LRRC4C: variants seen among roughly 807,000 people sequenced by gnomAD.
The protein encoded by LRRC4C is leucine-rich repeat-containing protein 4C.
LRRC4C carries 5 observed loss-of-function variants against 33.6 expected under a neutral mutation model. That is an observed-to-expected ratio of 0.15 (90% CI 0.08 to 0.31). LRRC4C has a LOEUF of 0.31. LRRC4C is among the 10% of genes least tolerant of loss of function. The pLI is 1.00. For missense variants in LRRC4C, 560 were observed against 796.7 expected (o/e 0.70, Z 3.58); for synonymous variants, 329 against 302.0 (o/e 1.09, Z -0.93).
At chr11:40,735,535 C>A (rs1021971617) in intron 2 of LRRC4C, among the ~76,000 whole-genome samples, 2 of 146,978 alleles carry the variant, frequency 1.4e-5, no homozygotes, top group African/African-American at 5.0e-5. Flanking sequence ...ATATGTGCCA[C>A]ATTTTCTTAA....
intron 3 of LRRC4C, among the ~76,000 whole-genome samples, chr11:40,590,785 T>C (rs978758802): frequency 3.3e-5 from 5 of 152,244 alleles, no homozygotes; most frequent in Non-Finnish European, 4.4e-5. Context: ...CCAGTTAGGC[T>C]GCTCGGGGGT....
intron 4 of LRRC4C, among the ~76,000 whole-genome samples, chr11:40,311,669 G>C (rs1025283370): frequency 1.3e-5 from 2 of 152,052 alleles, no homozygotes. Flanking sequence ...TTTTCTGACC[G>C]GGCACGGTGG....
chr11:41,199,900 A>G (rs1195602692), intron 1 of LRRC4C, among the ~76,000 whole-genome samples: 1 of 152,136 alleles, frequency 6.6e-6, no homozygotes, highest in Non-Finnish European at 1.5e-5. Context: ...GATAAAATAT[A>G]TACATTCCTT....
At chr11:40,938,017 G>C (rs115159445) in intron 1 of LRRC4C, among the ~76,000 whole-genome samples, 6,251 of 152,158 alleles carry the variant, frequency 0.041, 167 homozygotes, top group African/African-American at 0.065. Context: ...AGTAATAGCA[G>C]TAATTCTCTC....
chr11:41,305,509 CTG>C lies in LRRC4C; in HGVS notation c.-496+153920_-496+153921del, dbSNP rs1950471162. ...TTGAGAAATCGGATGGTTGCCGTGT[CTG>C]TGTAGAAAGAAGTAGACATGGGAGA... On this transcript the variant is annotated intron_variant, in intron 1 of 6. Coordinates refer to ENST00000528697, the MANE Select transcript of LRRC4C (RefSeq NM_001258419.2). Among the ~76,000 whole-genome samples, 2 of 48,804 alleles carry C rather than the reference CTG, an allele frequency of 4.1e-5. 1 individual carries two copies. The allele number at this position is 48,804 out of a possible 152,430, so 32.0% of individuals were successfully genotyped here. A position where few individuals can be genotyped will look rare whatever the true frequency, so the allele number is the denominator to read the frequency against.
At chr11:40,890,144 A>C (rs2136100769) in intron 2 of LRRC4C, among the ~76,000 whole-genome samples, 1 of 152,324 alleles carries the variant, frequency 6.6e-6, no homozygotes. Flanking sequence ...ATAATGAGAT[A>C]AGAAAAGGAA....
At chr11:40,252,872 TATC>T (rs1198147774) in intron 4 of LRRC4C, among the ~76,000 whole-genome samples, 4 of 152,212 alleles carry the variant, frequency 2.6e-5, no homozygotes, top group Admixed American at 2.0e-4. Flanking sequence ...CTGCACAAAA[TATC>T]ATCAATACTT....
At position 40,851,865 on chromosome 11, in the gene LRRC4C, G is replaced by A. The variant is rs768152565; in HGVS notation, c.-407+81770C>T. 9.2e-5 allele frequency among the ~76,000 whole-genome samples: 14 copies of A among 152,144 alleles called. 1 individual carries two copies. The highest frequency in any genetic ancestry group is 5.9e-4 in the Admixed American group (9 of 15,270). On this transcript the variant is annotated intron_variant, in intron 2 of 6. Transcript: ENST00000528697. ...GTCTTTAGGACCCTGGCGATCCCACGTTGACAGCCACACTTGCCCTTCTCC... is the reference window on the plus strand; with the variant it reads ...GTCTTTAGGACCCTGGCGATCCCACATTGACAGCCACACTTGCCCTTCTCC...
intron 3 of LRRC4C, among the ~76,000 whole-genome samples, chr11:40,545,954 C>A (rs1252579870): frequency 6.6e-6 from 1 of 151,992 alleles, no homozygotes; most frequent in Non-Finnish European, 1.5e-5. Context: ...GTTAATACAC[C>A]TAGCGTGTTC....
chr11:40,830,980 T>G (rs1952387351), intron 2 of LRRC4C, among the ~76,000 whole-genome samples: 1 of 152,122 alleles, frequency 6.6e-6, no homozygotes, highest in Admixed American at 6.6e-5. Context: ...GAATCAGTAA[T>G]TCCACACAAA....
intron 2 of LRRC4C, among the ~76,000 whole-genome samples, chr11:40,653,635 C>A (rs1942935864): frequency 6.6e-6 from 1 of 152,088 alleles, no homozygotes; most frequent in Admixed American, 6.5e-5. Flanking sequence ...AAAAAGAAAG[C>A]AGAACATAAA....
chr11:40,446,859 A>G (rs191379361), intron 3 of LRRC4C: 6 of 152,294 alleles, frequency 3.9e-5, no homozygotes, highest in Non-Finnish European at 7.3e-5. Flanking sequence ...CCATGATTCA[A>G]TTACCTCCAA....
At chr11:40,253,331 T>G (rs1010401201) in intron 4 of LRRC4C, among the ~76,000 whole-genome samples, 1 of 151,134 alleles carries the variant, frequency 6.6e-6, no homozygotes, top group Admixed American at 6.6e-5. Flanking sequence ...TCCTCTTGCT[T>G]GTTTGTTTGT....
chr11:41,042,302 C>A (rs1176890024), intron 1 of LRRC4C, among the ~76,000 whole-genome samples: 1 of 152,068 alleles, frequency 6.6e-6, no homozygotes, highest in African/African-American at 2.4e-5. Context: ...ACCTAGAGAG[C>A]AAATATGCTC....
chr11:40,164,789 G>A (rs534955257), intron 5 of LRRC4C, among the ~76,000 whole-genome samples: 14 of 152,162 alleles, frequency 9.2e-5, no homozygotes, highest in Middle Eastern at 3.4e-3. Context: ...AAATGTTTGA[G>A]GTGATGGAAA....
chr11:40,481,052 T>A (rs1168592962), intron 3 of LRRC4C, among the ~76,000 whole-genome samples: 1 of 150,332 alleles, frequency 6.7e-6, no homozygotes, highest in Admixed American at 6.6e-5. Context: ...AGAAATAAAA[T>A]GTTTTACAAC....
chr11:41,446,591 A>G (rs998836539), intron 1 of LRRC4C, among the ~76,000 whole-genome samples: 4 of 151,914 alleles, frequency 2.6e-5, no homozygotes, highest in Non-Finnish European at 4.4e-5. Flanking sequence ...CAGTTCTCCA[A>G]TGGAGGAATA....
chr11:40,319,989 C>A (rs1945762043), intron 3 of LRRC4C, among the ~76,000 whole-genome samples: 1 of 151,116 alleles, frequency 6.6e-6, no homozygotes, highest in Non-Finnish European at 1.5e-5. Context: ...TTTAGTTTAC[C>A]AACTCTAGAT....
At chr11:41,050,485 C>T (rs1262712481) in intron 1 of LRRC4C, among the ~76,000 whole-genome samples, 1 of 152,044 alleles carries the variant, frequency 6.6e-6, no homozygotes, top group East Asian at 1.9e-4. Context: ...CTATTCCCCT[C>T]CCTGTGTCCA....
Sources: allele counts gnomAD v4.1 joint callset (sites outside exome capture counted in the v4.1 genomes callset), GRCh38; gene constraint gnomAD v4.1.1; transcripts MANE v1.5; gene names NCBI Gene and HGNC (gene_info 2026-07-23, HGNC 2026-07-21).